Variants in ING4 observed in about 807,000 individuals in gnomAD.
ING4 encodes inhibitor of growth protein 4.
Under a neutral mutation model 33.1 loss-of-function variants are expected in ING4, and 28 were observed. That is an observed-to-expected ratio of 0.85 (90% CI 0.63 to 1.16). ING4 has a LOEUF of 1.16. Ranked by LOEUF, ING4 falls within the 50% of genes most tolerant of loss-of-function variation. The pLI is 0.00. For synonymous variants in ING4, 87 were observed against 104.4 expected (o/e 0.83, Z 1.02); for missense variants, 247 against 314.7 (o/e 0.78, Z 1.63).
At chr12:6,660,876 G>A (rs1166810122) in intron 1 of ING4, among the ~76,000 whole-genome samples, 1 of 151,998 alleles carries the variant, frequency 6.6e-6, no homozygotes, top group African/African-American at 2.4e-5. Context: ...GAGTGCAATG[G>A]CGCAATCTCA....
chr12:6,654,331 CTTTTTTT>C (rs1238643921), intron 2 of ING4, among the ~76,000 whole-genome samples: 2 of 138,986 alleles, frequency 1.4e-5, no homozygotes, highest in African/African-American at 5.3e-5. Context: ...CTCTATTTTT[CTTTTTTT>C]TTTTTTTTGA....
intron 1 of ING4, 125 bp from the exon 2 acceptor site, chr12:6,656,923 G>A (rs945768493): frequency 1.7e-6 from 1 of 572,668 alleles, no homozygotes; most frequent in Non-Finnish European, 3.0e-6. Flanking sequence ...GGAGGCCAAG[G>A]GGGTGGATCA....
chr12:6,660,877 C>A (rs149136396), intron 1 of ING4, among the ~76,000 whole-genome samples: 1 of 151,836 alleles, frequency 6.6e-6, no homozygotes, highest in Admixed American at 6.6e-5. Flanking sequence ...AGTGCAATGG[C>A]GCAATCTCAG....
Position 6,653,381 on chromosome 12 carries a change from A to G in ING4, c.125T>C (p.Ile42Thr). 4.3e-6 allele frequency: 7 copies of G among 1,614,100 alleles called. No homozygotes were observed. The highest frequency in any genetic ancestry group is 5.9e-6 in the Non-Finnish European group (7 of 1,180,022). The change falls in exon 3 of 8, where the codon ATT (isoleucine) becomes ACT (threonine). Residue 42 changes from isoleucine (I) to threonine (T), a missense_variant. Physicochemically the swap from Ile to Thr is moderately conservative, Grantham distance 89 (BLOSUM62 -1). Around this residue, in one of 3 missense-constraint regions of ING4, gnomAD observed 198 missense variants for 221.2 expected, o/e 0.89. Transcript: ENST00000341550. ...CATATACTCAGTGGCCAACTTGTCA[A>G]TTTCAGCCTTCAGGTCTACAACAGA... ...DQRTEDLKAEIDKLATEYMSS... is the reference protein window; with the variant it reads ...DQRTEDLKAETDKLATEYMSS...
chr12:6,651,987 G>A (rs930452138), intron 6 of ING4, among the ~76,000 whole-genome samples: 1 of 151,394 alleles, frequency 6.6e-6, no homozygotes, highest in African/African-American at 2.4e-5. Flanking sequence ...AGCCTCCCGA[G>A]TAGCTGGGAT....
chr12:6,657,480 T>C (rs6416323), intron 1 of ING4, among the ~76,000 whole-genome samples: 138,340 of 152,132 alleles, frequency 0.91, 63,391 homozygotes, highest in Non-Finnish European at 0.97. Flanking sequence ...AAAAATAAAG[T>C]GCAGCTCAGT....
Position 6,656,726 on chromosome 12 carries a change from C to G in ING4, c.109+1G>C, listed in dbSNP as rs1334625818. The G allele has an allele frequency of 1.3e-6, 2 of 1,552,444 alleles. No individual in the cohort carries two copies. Among genetic ancestry groups the G allele is most frequent in the Non-Finnish European group, 8.7e-7 (1 of 1,147,822 alleles). On this transcript the variant is annotated splice_donor_variant, in intron 2 of 7. Coordinates refer to ENST00000341550, the MANE Select transcript of ING4 (RefSeq NM_016162.4). LOFTEE classifies it high-confidence loss of function. ...ACAAAAACTTTTTACTCTATACATA[C>G]CCTCTGTTCTTTGGTCTAGGTCCCT...
intron 3 of ING4, 54 bp downstream of exon 3, chr12:6,653,176 A>C (rs1949239358): frequency 6.2e-7 from 1 of 1,606,948 alleles, no homozygotes; most frequent in Admixed American, 1.7e-5. Flanking sequence ...GGAGGGGTCT[A>C]AGACCCTGAG....
In ING4 at chr12:6,651,053, TG is replaced by T; in HGVS notation, c.*141del. On this transcript the variant is annotated 3_prime_UTR_variant, in exon 8 of 8. Coordinates refer to ENST00000341550, the MANE Select transcript of ING4 (RefSeq NM_016162.4). Reference sequence around the variant, plus strand: ...TCTGATGCAGCCTCAGCACCGGGAGTGGGGAGAGGGGAGGAGAAGGGATGAC... The same window carrying T: ...TCTGATGCAGCCTCAGCACCGGGAGTGGGAGAGGGGAGGAGAAGGGATGAC... The T allele has an allele frequency of 1.1e-6, 1 of 904,476 alleles. No homozygotes were observed. The highest frequency in any genetic ancestry group is 1.7e-6 in the Non-Finnish European group (1 of 572,018). The allele number at this position is 904,476 out of a possible 1,614,324, so 56.0% of individuals were successfully genotyped here.
chr12:6,660,644 T>A (rs887642044), intron 1 of ING4, among the ~76,000 whole-genome samples: 10 of 151,332 alleles, frequency 6.6e-5, no homozygotes, highest in East Asian at 1.9e-4. Flanking sequence ...TAAAATAAAA[T>A]AAATAAAAAA....
At chr12:6,651,994 G>C (rs1949196714) in intron 6 of ING4, among the ~76,000 whole-genome samples, 1 of 151,674 alleles carries the variant, frequency 6.6e-6, no homozygotes, top group African/African-American at 2.4e-5. Context: ...CGAGTAGCTG[G>C]GATGACAGTC....
rs187533426 is a variant in ING4 at position 6,652,119 on chromosome 12, C to A, written c.645+152G>T. ...ACGTGATCTGCCCGCCTCAGCCTCC[C>A]AAAGTGCTGGGATTTCAGGCAAGAG... On this transcript the variant is annotated intron_variant, in intron 6 of 7. Coordinates refer to ENST00000341550, the MANE Select transcript of ING4 (RefSeq NM_016162.4). The A allele has an allele frequency of 3.1e-6, 3 of 981,784 alleles. No individual in the cohort carries two copies. The Admixed American group carries it at 6.9e-5, about 23-fold the overall frequency. 60.8% of individuals were successfully genotyped at this position (981,784 alleles called of 1,614,324 possible). A position where few individuals can be genotyped will look rare whatever the true frequency, so the allele number is the denominator to read the frequency against.
At chr12:6,660,965 G>A (rs1043573567) in intron 1 of ING4, among the ~76,000 whole-genome samples, 2 of 151,842 alleles carry the variant, frequency 1.3e-5, no homozygotes, top group East Asian at 3.9e-4. Context: ...GCTAATTTTT[G>A]TATTTTTAGT....
In ING4 at chr12:6,653,281, G is replaced by A; in HGVS notation, c.225C>T (p.Cys75=). ...GCACCTTGTCGTCACCAAATTCCTTGCACTTGCCATAGGCTTCCTGGATCT... is the reference window on the plus strand; with the variant it reads ...GCACCTTGTCGTCACCAAATTCCTTACACTTGCCATAGGCTTCCTGGATCT... ...LKQIQEAYGK[C]KEFGDDKVQL... is the part of the protein sequence containing the mutation. The change falls in exon 3 of 8, where the codon TGC becomes TGT. Residue 75 remains cysteine, a synonymous_variant. Coordinates refer to ENST00000341550, the MANE Select transcript of ING4 (RefSeq NM_016162.4). The A allele has an allele frequency of 1.2e-6, 2 of 1,614,114 alleles. No individual in the cohort carries two copies. Among genetic ancestry groups the A allele is most frequent in the Non-Finnish European group, 1.7e-6 (2 of 1,180,036 alleles).
Position 6,656,797 on chromosome 12 carries a change from A to G in ING4, c.39T>C (p.Ser13=), listed in dbSNP as rs1485845584. Residue 13 remains serine (S), a splice_region_variant and synonymous_variant, in exon 2 of 8, where the codon AGT becomes AGC. Transcript: ENST00000341550. ...GTAATTCAAAGGGAAGGTTTTCAAT[A>G]CCTAGGGAAGAGAGAGAAACAATCA... ...AGMYLEHYLD[S]IENLPFELQR... The G allele has an allele frequency of 1.3e-6, 2 of 1,553,156 alleles. No homozygotes were observed. The highest frequency in any genetic ancestry group is 1.7e-6 in the Non-Finnish European group (2 of 1,149,566).
intron 1 of ING4, among the ~76,000 whole-genome samples, chr12:6,661,078 G>A (rs908843782): frequency 6.6e-6 from 1 of 150,840 alleles, no homozygotes; most frequent in Non-Finnish European, 1.5e-5. Context: ...ATAGGCGTGA[G>A]CCACCGCTCC....
chr12:6,653,853 T>A (rs1007954960), intron 2 of ING4, among the ~76,000 whole-genome samples: 2 of 152,114 alleles, frequency 1.3e-5, no homozygotes, highest in Non-Finnish European at 2.9e-5. Flanking sequence ...TATCATACAT[T>A]TCAAAATTAT....
chr12:6,661,566 C>G (rs1949553608), intron 1 of ING4, among the ~76,000 whole-genome samples: 1 of 151,672 alleles, frequency 6.6e-6, no homozygotes, highest in Non-Finnish European at 1.5e-5. Flanking sequence ...GGATTACAGT[C>G]ACATGCCACC....
rs1188441897 is a variant in ING4, at chr12:6,650,526, G to A, written c.*669C>T. On this transcript the variant is annotated 3_prime_UTR_variant, in exon 8 of 8. Transcript: ENST00000341550. ...ATCCTCTCACATTGCATCCAACCCA[G>A]AGGACGCAAAATGAATGCTCAGCAT... The A allele has an allele frequency of 6.5e-6, 1 of 152,750 alleles. No homozygotes were observed. The highest frequency in any genetic ancestry group is 1.5e-5 in the Non-Finnish European group (1 of 68,160). The allele number at this position is 152,750 out of a possible 1,614,324, so 9.5% of individuals were successfully genotyped here.
Sources: allele counts gnomAD v4.1 joint callset (sites outside exome capture counted in the v4.1 genomes callset), GRCh38; gene constraint gnomAD v4.1.1; regional missense constraint gnomAD v4.1.1; transcripts MANE v1.5; gene names NCBI Gene and HGNC (gene_info 2026-07-23, HGNC 2026-07-21).